The following CSF3R variants were observed in gnomAD, a reference collection of about 807,000 sequenced individuals.
CSF3R encodes colony stimulating factor 3 receptor, also known as granulocyte colony-stimulating factor receptor.
In CSF3R, 52 loss-of-function variants were observed where a neutral mutation model predicts 84.4. The ratio of observed to expected loss-of-function variants is 0.62; its 90% CI spans 0.49 to 0.78. The LOEUF (loss-of-function observed/expected upper bound fraction) is 0.78. CSF3R is among the 30% of genes least tolerant of loss of function. The pLI is 0.00. For synonymous variants in CSF3R, 384 were observed against 429.1 expected (o/e 0.89, Z 1.30); for missense variants, 890 against 1,055.7 (o/e 0.84, Z 2.17).
At chr1:36,480,685 A>T (rs1353160296) in intron 2 of CSF3R, among the ~76,000 whole-genome samples, 3 of 152,232 alleles carry the variant, frequency 2.0e-5, no homozygotes, top group Non-Finnish European at 4.4e-5. Context: ...CGTGCTCAGC[A>T]GGGAGAAAGG....
In CSF3R at chr1:36,472,765, TC is replaced by T. The variant is rs1251100182; in HGVS notation, c.674-80del. On this transcript the variant is annotated intron_variant, in intron 6 of 16. Coordinates refer to ENST00000373106, the MANE Select transcript of CSF3R (RefSeq NM_000760.4). The surrounding 1 kb of genome is among the most constrained non-coding windows in gnomAD (Gnocchi z 5.0). ...GCCTTAGCTCCCTCTTGTCTCCCTG[TC>T]TGTGGTTCACCATCTGTCCACGTTG... is the stretch of plus-strand genomic sequence containing the variant. 1.4e-6 allele frequency: 2 copies of T among 1,436,522 alleles called. No individual in the cohort carries two copies. The highest frequency in any genetic ancestry group is 1.8e-6 in the Non-Finnish European group (2 of 1,084,590). The allele number at this position is 1,436,522 out of a possible 1,614,324, so 89.0% of individuals were successfully genotyped here.
intron 6 of CSF3R, 149 bp downstream of exon 6, chr1:36,473,286 G>A (rs1024422493): frequency 1.2e-6 from 1 of 834,678 alleles, no homozygotes; most frequent in African/African-American, 1.7e-5. Flanking sequence ...GTCTCCAGCT[G>A]CACCTTTCTT....
rs750345536 is a variant in CSF3R at position 36,472,238 on chromosome 1, C to T, written c.997G>A (p.Ala333Thr). Reference sequence around the variant, plus strand: ...TCCCAGCCTCTCATCACCTCCTTACCCCGTTCGGTAGTTCTCAGCTCCAGG... The same window carrying T: ...TCCCAGCCTCTCATCACCTCCTTACTCCGTTCGGTAGTTCTCAGCTCCAGG... ...PSLELRTTER[A>T]PTVRLDTWWR... The change falls in exon 8 of 17, where the codon GCC becomes ACC. Residue 333 changes from alanine (A) to threonine (T), a missense_variant and splice_region_variant. Ala to Thr is a moderately conservative substitution (Grantham distance 58). Transcript: ENST00000373106. The surrounding 1 kb of genome is among the most constrained non-coding windows in gnomAD (Gnocchi z 5.0). The T allele has an allele frequency of 5.6e-6, 9 of 1,614,018 alleles. No homozygotes were observed. The East Asian group carries it at 1.1e-4, about 20-fold the overall frequency.
chr1:36,471,464 A>G lies in CSF3R; in HGVS notation c.1254T>C (p.Arg418=), dbSNP rs3917980. The part of the protein sequence containing the change: ...LVAYNSAGTS[R]PTPVVFSESR... ...TTTCTGAGAAGACCACCGGAGTGGG[A>G]CGAGAGGTCCCGGCTGAGTTATAGG... Residue 418 remains arginine (R), a synonymous_variant, in exon 10 of 17, where the codon CGT becomes CGC. Transcript: ENST00000373106. The G allele has an allele frequency of 0.33, 531,212 of 1,613,654 alleles. 90,674 individuals are homozygous for G. Among genetic ancestry groups the G allele is most frequent in the South Asian group, 0.41 (37,001 of 91,074 alleles).
At chr1:36,478,735 G>A (rs960427423) in intron 3 of CSF3R, among the ~76,000 whole-genome samples, 1 of 151,456 alleles carries the variant, frequency 6.6e-6, no homozygotes, top group Non-Finnish European at 1.5e-5. Context: ...GGCATGCCCT[G>A]CACTACCTTG....
At position 36,472,540 on chromosome 1, in the gene CSF3R, G is replaced by C. The variant is rs759587248; in HGVS notation, c.820C>G (p.Arg274Gly). The change falls in exon 7 of 17, where the codon CGT becomes GGT. Residue 274 changes from arginine to glycine, a missense_variant. Arg to Gly is a moderately radical substitution (Grantham distance 125). Transcript: ENST00000373106. This position sits in a 1 kb window ranked among gnomAD's most constrained non-coding sequence, Gnocchi z 5.0. ...ACCAGTGCCCAGCTGGCTTCTCCACGCTGCGGCTTGTGGCGCAGCTCACAC... is the reference window on the plus strand; with the variant it reads ...ACCAGTGCCCAGCTGGCTTCTCCACCCTGCGGCTTGTGGCGCAGCTCACAC... ...QKCELRHKPQ[R>G]GEASWALVGP... The C allele has an allele frequency of 8.7e-6, 14 of 1,614,046 alleles. No individual in the cohort carries two copies. The highest frequency in any genetic ancestry group is 1.2e-5 in the Non-Finnish European group (14 of 1,180,040).
In CSF3R at chr1:36,475,483, A is replaced by G; in HGVS notation, c.255T>C (p.Ser85=). The change falls in exon 4 of 17, where the codon TCT becomes TCC. Residue 85 remains serine (S), a synonymous_variant. Transcript: ENST00000373106. ...QQRLSDGTQE[S]IITLPHLNHT... The stretch of plus-strand genomic sequence containing the variant: ...GGTTGAGGTGGGGCAGGGTGATGAT[A>G]GATTCCTGGGTCCCATCAGACAGAC... The G allele has an allele frequency of 1.2e-6, 2 of 1,614,176 alleles. No homozygotes were observed. Among genetic ancestry groups the G allele is most frequent in the Non-Finnish European group, 1.7e-6 (2 of 1,180,026 alleles).
intron 12 of CSF3R, chr1:36,468,504 A>G (rs1650491921): frequency 3.1e-6 from 1 of 319,886 alleles, no homozygotes; most frequent in Admixed American, 4.6e-5. Context: ...TCTGCCACTC[A>G]CTCTCCGAAT....
chr1:36,469,012 G>A (rs1650528094), intron 12 of CSF3R, 144 bp downstream of exon 12: 2 of 694,594 alleles, frequency 2.9e-6, no homozygotes, highest in South Asian at 1.6e-5. Flanking sequence ...TCCAGTGTAA[G>A]CCAGGGGATT....
chr1:36,466,113 TA>T lies in CSF3R; in HGVS notation c.*243del. ...AAACTAGTTTACAATACTGAAGTTA[TA>T]GGAAACAAGCACAAAAGGCCATTGG... On this transcript the variant is annotated 3_prime_UTR_variant, in exon 17 of 17. Coordinates refer to ENST00000373106, the MANE Select transcript of CSF3R (RefSeq NM_000760.4). This position sits in a 1 kb window ranked among gnomAD's most constrained non-coding sequence, Gnocchi z 4.6. 6.2e-7 allele frequency: 1 copy of T among 1,614,052 alleles called. No homozygotes were observed. The highest frequency in any genetic ancestry group is 8.5e-7 in the Non-Finnish European group (1 of 1,180,020).
At chr1:36,473,389 G>C (rs561102121) in intron 6 of CSF3R, 46 bp downstream of exon 6, 85 of 1,603,226 alleles carry the variant, frequency 5.3e-5, no homozygotes, top group Non-Finnish European at 3.4e-5. Flanking sequence ...ATTCCTCTCA[G>C]TGTCTGCCCA....
rs775641439 is a variant in CSF3R, at chr1:36,471,599, A to T, written c.1119T>A (p.Val373=). Residue 373 remains valine (V), a synonymous_variant, in exon 10 of 17, where the codon GTT becomes GTA. Transcript: ENST00000373106. ...EDSGRIQGYV[V]SWRPSGQAGA... ...CAGCCTGGCCTGAGGGTCTCCAAGAAACCACATAACCTTGGATCCGTCCGC... is the reference window on the plus strand; with the variant it reads ...CAGCCTGGCCTGAGGGTCTCCAAGATACCACATAACCTTGGATCCGTCCGC... The T allele has an allele frequency of 1.9e-6, 3 of 1,614,226 alleles. No individual in the cohort carries two copies. The highest frequency in any genetic ancestry group is 2.5e-6 in the Non-Finnish European group (3 of 1,180,036).
At chr1:36,474,686 C>A (rs1039062330) in intron 4 of CSF3R, among the ~76,000 whole-genome samples, 1 of 152,118 alleles carries the variant, frequency 6.6e-6, no homozygotes, top group East Asian at 1.9e-4. Context: ...CAAACTCCAT[C>A]CTGCTCAGTT....
chr1:36,473,021 TC>T, intron 6 of CSF3R: 2 of 402,978 alleles, frequency 5.0e-6, no homozygotes, highest in Non-Finnish European at 8.9e-6. Context: ...GTGCTCCCCT[TC>T]CCCCCTCTCT....
chr1:36,471,647 C>T lies in CSF3R; in HGVS notation c.1072-1G>A, dbSNP rs992318824. On this transcript the variant is annotated splice_acceptor_variant, in intron 9 of 16. Coordinates refer to ENST00000373106, the MANE Select transcript of CSF3R (RefSeq NM_000760.4). LOFTEE classifies it high-confidence loss of function. ...CGCTGTCTTCCTCCAGGGGCACTGG[C>T]TGTGGGGCACAGGAGGAAAAAGAGA... 2 of 1,614,072 alleles carry T rather than the reference C, an allele frequency of 1.2e-6. No individual in the cohort carries two copies. Among genetic ancestry groups the T allele is most frequent in the Non-Finnish European group, 1.7e-6 (2 of 1,179,998 alleles).
rs1275086167 is a variant in CSF3R, at chr1:36,467,198, A to T, written c.2040+32T>A. On this transcript the variant is annotated intron_variant, in intron 16 of 16. Transcript: ENST00000373106. This position sits in a 1 kb window ranked among gnomAD's most constrained non-coding sequence, Gnocchi z 4.1. ...TCACTGAGCCTGGGCCGACATCCCC[A>T]TCTCATTTCCCTCTCCCTCCTGGAT... 1 of 1,608,056 alleles carries T rather than the reference A, an allele frequency of 6.2e-7. No homozygotes were observed. Among genetic ancestry groups the T allele is most frequent in the Non-Finnish European group, 8.5e-7 (1 of 1,174,470 alleles).
At chr1:36,473,953 C>A in intron 4 of CSF3R, 66 bp from the exon 5 acceptor site, 1 of 1,610,448 alleles carries the variant, frequency 6.2e-7, no homozygotes, top group Non-Finnish European at 8.5e-7. Flanking sequence ...CCTCTGGGAC[C>A]AGCTGGCCCT....
intron 2 of CSF3R, chr1:36,480,131 A>C: frequency 5.6e-6 from 1 of 177,508 alleles, no homozygotes; most frequent in South Asian, 1.2e-4. Flanking sequence ...CCTGCCCCCC[A>C]TTGGTCAAGG....
chr1:36,469,919 T>C (rs962497518), intron 10 of CSF3R, 79 bp from the exon 11 acceptor site: 49 of 1,488,452 alleles, frequency 3.3e-5, no homozygotes, highest in Non-Finnish European at 3.2e-5. Flanking sequence ...GTTCAAATCC[T>C]GGCTTTGCTA....
Sources: allele counts gnomAD v4.1 joint callset (sites outside exome capture counted in the v4.1 genomes callset), GRCh38; gene constraint gnomAD v4.1.1; non-coding constraint Gnocchi (gnomAD v3.1); transcripts MANE v1.5; gene names NCBI Gene and HGNC (gene_info 2026-07-23, HGNC 2026-07-21).